GAPVD1: variants seen among roughly 807,000 people sequenced by gnomAD.
GAPVD1 encodes the protein GTPase-activating protein and VPS9 domain-containing protein 1.
GAPVD1 carries 35 observed loss-of-function variants against 155.5 expected under a neutral mutation model. The observed-to-expected ratio is 0.23, with a 90% CI of 0.17 to 0.30. The LOEUF (loss-of-function observed/expected upper bound fraction) is 0.30, where lower values mean the gene tolerates loss of function less well. GAPVD1 is among the 10% of genes least tolerant of loss of function. The pLI, the probability that GAPVD1 is intolerant of heterozygous loss-of-function variation, is 1.00. For missense variants in GAPVD1, 1,429 were observed against 1,775.7 expected, an observed-to-expected ratio of 0.80 and a Z score of 3.51; for synonymous variants, 636 against 619.7, an observed-to-expected ratio of 1.03 and a Z score of -0.39.
At chr9:125,355,883 A>G (rs1259662236) in intron 25 of GAPVD1, 26 bp downstream of exon 25, 2 of 1,243,726 alleles carry the variant, frequency 1.6e-6, no homozygotes, top group Admixed American at 1.7e-5. Flanking sequence ...TTGAGTGCCT[A>G]TGTGGAACTA....
chr9:125,266,834 C>A (rs962825493), intron 1 of GAPVD1, among the ~76,000 whole-genome samples: 4 of 152,056 alleles, frequency 2.6e-5, no homozygotes, highest in African/African-American at 9.7e-5. Context: ...CATCTCAAGT[C>A]ACTGCAACTT....
intron 15 of GAPVD1, 100 bp from the exon 16 acceptor site, chr9:125,336,918 A>G: frequency 1.5e-6 from 1 of 676,978 alleles, no homozygotes; most frequent in East Asian, 2.6e-5. Flanking sequence ...CTAATGGATC[A>G]AAAAAGGAAC....
chr9:125,307,458 G>T lies in GAPVD1; in HGVS notation c.1162G>T (p.Val388Leu), dbSNP rs778163868. 1.9e-6 allele frequency: 3 copies of T among 1,610,514 alleles called. No homozygotes were observed. The highest frequency in any genetic ancestry group is 8.5e-7 in the Non-Finnish European group (1 of 1,176,820). The part of the protein sequence containing the change: ...FLDVVIGGRA[V>L]ETPPLSSVNL... ...TGATGTTGTGATTGGGGGCCGTGCA[G>T]TGGAGACCCCTCCATTGTCTTCCGT... is the stretch of plus-strand genomic sequence containing the variant. The change falls in exon 7 of 28, where the codon GTG becomes TTG. Residue 388 changes from valine (V) to leucine (L), a missense_variant. This residue lies in a region of GAPVD1 where 628 missense variants were observed against 733.4 expected (regional missense o/e 0.86). Transcript: ENST00000297933.
chr9:125,312,563 C>T lies in GAPVD1; in HGVS notation c.1553C>T (p.Ser518Phe). The change falls in exon 9 of 28, where the codon TCC (serine) becomes TTC (phenylalanine). Residue 518 changes from serine to phenylalanine, a missense_variant. Transcript: ENST00000297933. ...EVQPEEVLVI[S>F]LGTGPQLTPG... Reference sequence around the variant, plus strand: ...CAACCAGAAGAGGTGTTGGTCATTTCCTTAGGTACAGGTCCCCAGCTTACT... The same window carrying T: ...CAACCAGAAGAGGTGTTGGTCATTTTCTTAGGTACAGGTCCCCAGCTTACT... 1 of 1,608,404 alleles carries T rather than the reference C, an allele frequency of 6.2e-7. No individual in the cohort carries two copies. The highest frequency in any genetic ancestry group is 8.5e-7 in the Non-Finnish European group (1 of 1,178,264).
At chr9:125,306,778 C>T (rs1841893450) in intron 6 of GAPVD1, among the ~76,000 whole-genome samples, 1 of 152,220 alleles carries the variant, frequency 6.6e-6, no homozygotes, top group Non-Finnish European at 1.5e-5. Context: ...CAGGCATGCA[C>T]TACCACACCC....
At chr9:125,278,688 A>G (rs1836217735) in intron 2 of GAPVD1, among the ~76,000 whole-genome samples, 1 of 151,942 alleles carries the variant, frequency 6.6e-6, no homozygotes, top group Non-Finnish European at 1.5e-5. Flanking sequence ...TACAAACATT[A>G]GCTGGATGCG....
intron 4 of GAPVD1, among the ~76,000 whole-genome samples, chr9:125,301,707 C>G (rs1455260993): frequency 6.6e-6 from 1 of 152,098 alleles, no homozygotes. Context: ...GCCTCGGCCT[C>G]ACAAAGTGCT....
At chr9:125,343,864 A>G (rs1048474042) in intron 19 of GAPVD1, among the ~76,000 whole-genome samples, 41 of 152,236 alleles carry the variant, frequency 2.7e-4, no homozygotes, top group Non-Finnish European at 3.7e-4. Flanking sequence ...TACAAAGTGA[A>G]TTACTCTTAA....
intron 25 of GAPVD1, among the ~76,000 whole-genome samples, chr9:125,359,027 C>T (rs933576710): frequency 1.3e-5 from 2 of 152,078 alleles, no homozygotes; most frequent in Non-Finnish European, 2.9e-5. Flanking sequence ...TGGTGGAGGC[C>T]CTTCTCCATG....
chr9:125,349,310 AG>A, intron 20 of GAPVD1, 79 bp from the exon 21 acceptor site: 2 of 1,158,706 alleles, frequency 1.7e-6, no homozygotes. Flanking sequence ...TTTATTCTTG[AG>A]TTGCTCTGAA....
At position 125,354,727 on chromosome 9, in the gene GAPVD1, A is replaced by G; in HGVS notation, c.3643A>G (p.Arg1215Gly). 1 of 1,613,504 alleles carries G rather than the reference A, an allele frequency of 6.2e-7. No homozygotes were observed. Among genetic ancestry groups the G allele is most frequent in the Non-Finnish European group, 8.5e-7 (1 of 1,179,382 alleles). ...ACAGACCACACAGGCTCACCTGGAA[A>G]GGCTATTGCAAAGAGTTTTGCGGGA... is the stretch of plus-strand genomic sequence containing the variant. ...GLQTTQAHLE[R>G]LLQRVLRDKE... Residue 1215 changes from arginine (R) to glycine (G), a missense_variant, in exon 24 of 28, where the codon AGG becomes GGG. This residue lies in a region of GAPVD1 where 699 missense variants were observed against 826.0 expected (regional missense o/e 0.85). Coordinates refer to ENST00000297933, the MANE Select transcript of GAPVD1 (RefSeq NM_001282680.3).
At chr9:125,265,673 A>G (rs1016660860) in intron 1 of GAPVD1, among the ~76,000 whole-genome samples, 2 of 136,640 alleles carry the variant, frequency 1.5e-5, no homozygotes, top group African/African-American at 5.5e-5. Flanking sequence ...GGCCTCCCAT[A>G]GTGCTGGGAT....
At chr9:125,336,927 A>AC (rs1180560410) in intron 15 of GAPVD1, 91 bp from the exon 16 acceptor site, 1 of 707,366 alleles carries the variant, frequency 1.4e-6, no homozygotes, top group Non-Finnish European at 2.5e-6. Flanking sequence ...CAAAAAAGGA[A>AC]CCGTCAAAGA....
intron 4 of GAPVD1, among the ~76,000 whole-genome samples, chr9:125,299,642 G>C (rs1840447558): frequency 6.6e-6 from 1 of 151,356 alleles, no homozygotes; most frequent in Admixed American, 6.6e-5. Flanking sequence ...GCCATAGAGC[G>C]AGACTCTGTC....
At chr9:125,315,909 G>A (rs1190374461) in intron 9 of GAPVD1, among the ~76,000 whole-genome samples, 2 of 152,150 alleles carry the variant, frequency 1.3e-5, no homozygotes, top group Non-Finnish European at 2.9e-5. Flanking sequence ...AGTAGGAAGT[G>A]AAGGCTAAGG....
At chr9:125,308,945 A>G (rs1054553822) in intron 8 of GAPVD1, 4 of 152,260 alleles carry the variant, frequency 2.6e-5, no homozygotes, top group Non-Finnish European at 5.9e-5. Flanking sequence ...GAGCAGGTGA[A>G]GTCTGTTTGC....
Position 125,359,459 on chromosome 9 carries a change from G to A in GAPVD1, c.4011G>A (p.Val1337=). Residue 1337 remains valine (V), a synonymous_variant, in exon 26 of 28, where the codon GTG becomes GTA. Transcript: ENST00000297933. ...HEHIQRLSKV[V]TANHRALQIP... is the part of the protein sequence containing the mutation. ...ATATCCAGAGATTGTCTAAAGTAGT[G>A]ACTGCAAATCACAGAGCTCTTCAGA... The A allele has an allele frequency of 1.3e-6, 2 of 1,596,280 alleles. No individual in the cohort carries two copies. Among genetic ancestry groups the A allele is most frequent in the Non-Finnish European group, 1.7e-6 (2 of 1,164,284 alleles).
chr9:125,297,662 T>C (rs1265776240), intron 3 of GAPVD1, among the ~76,000 whole-genome samples: 1 of 152,148 alleles, frequency 6.6e-6, no homozygotes, highest in African/African-American at 2.4e-5. Flanking sequence ...GTAGATCATA[T>C]AGGACCTTCA....
chr9:125,317,625 C>T (rs796142148), intron 9 of GAPVD1, among the ~76,000 whole-genome samples: 710 of 56,034 alleles, frequency 0.013, 8 homozygotes, highest in African/African-American at 0.045. Flanking sequence ...AACTCTGTCT[C>T]AAAAAAAAAA....
Sources: allele counts gnomAD v4.1 joint callset (sites outside exome capture counted in the v4.1 genomes callset), GRCh38; gene constraint gnomAD v4.1.1; regional missense constraint gnomAD v4.1.1; transcripts MANE v1.5; gene names NCBI Gene and HGNC (gene_info 2026-07-23, HGNC 2026-07-21).